Variants in AGAP1 observed in about 807,000 individuals in gnomAD.
AGAP1 encodes the protein ArfGAP with GTPase domain, ankyrin repeat and PH domain 1.
A neutral mutation model predicts 105.3 loss-of-function variants in AGAP1; 29 were observed. That is an observed-to-expected ratio of 0.28 (90% CI 0.21 to 0.38). The LOEUF is 0.38. AGAP1 is among the 10% of genes least tolerant of loss of function. The pLI is 1.00. For synonymous variants in AGAP1, 509 were observed against 485.9 expected, an observed-to-expected ratio of 1.05 and a Z score of -0.63; for missense variants, 998 against 1,165.1, an observed-to-expected ratio of 0.86 and a Z score of 2.09.
chr2:235,684,575 C>A (rs1447920700), intron 1 of AGAP1, among the ~76,000 whole-genome samples: 1 of 152,184 alleles, frequency 6.6e-6, no homozygotes, highest in African/African-American at 2.4e-5. Context: ...ACTCATTCAT[C>A]AGGTGCAGAG....
At position 236,068,869 on chromosome 2, in the gene AGAP1, C is replaced by G. The variant is rs372815379; in HGVS notation, c.2114+19588C>G. ...GTAGGCTAGGCATGGTGGTTCACGC[C>G]TGTAATCCTAGCACTTTGGGAGGCC... On this transcript the variant is annotated intron_variant, in intron 16 of 17. Transcript: ENST00000304032. Among the ~76,000 whole-genome samples, 3 of 149,382 alleles carry G rather than the reference C, an allele frequency of 2.0e-5. No individual in the cohort carries two copies. In the South Asian group the frequency reaches 6.3e-4, roughly 31 times the overall value.
At chr2:235,913,204 A>G (rs1183939772) in intron 11 of AGAP1, among the ~76,000 whole-genome samples, 3 of 152,168 alleles carry the variant, frequency 2.0e-5, no homozygotes, top group Non-Finnish European at 4.4e-5. Flanking sequence ...CAGTTTACAT[A>G]TATATACTTC....
At chr2:236,091,325 C>G (rs2059054595) in intron 16 of AGAP1, among the ~76,000 whole-genome samples, 1 of 152,192 alleles carries the variant, frequency 6.6e-6, no homozygotes, top group Admixed American at 6.5e-5. Context: ...CTCAACTGTT[C>G]CTTTTTCATA....
At chr2:235,500,587 T>C (rs532003513) in intron 1 of AGAP1, among the ~76,000 whole-genome samples, 1 of 152,284 alleles carries the variant, frequency 6.6e-6, no homozygotes, top group South Asian at 2.1e-4. Context: ...AGGTTTCAGG[T>C]GAAGACACCT....
chr2:236,092,479 G>A lies in AGAP1; in HGVS notation c.2115-27713G>A, dbSNP rs931239129. On this transcript the variant is annotated intron_variant, in intron 16 of 17. Coordinates refer to ENST00000304032, the MANE Select transcript of AGAP1 (RefSeq NM_001037131.3). The surrounding 1 kb of genome is among the most constrained non-coding windows in gnomAD (Gnocchi z 4.7). ...GCAGTCTCGTCTCACTGCAACCTCCGCCTCCCGGGTTCAAGCAATTCTCCT... is the reference window on the plus strand; with the variant it reads ...GCAGTCTCGTCTCACTGCAACCTCCACCTCCCGGGTTCAAGCAATTCTCCT... Among the ~76,000 whole-genome samples, 12 of 152,062 alleles carry A rather than the reference G, an allele frequency of 7.9e-5. No homozygotes were observed. The highest frequency in any genetic ancestry group is 4.4e-5 in the Non-Finnish European group (3 of 67,996).
chr2:235,755,059 G>A (rs530329687), intron 6 of AGAP1, among the ~76,000 whole-genome samples: 4 of 152,256 alleles, frequency 2.6e-5, no homozygotes, highest in African/African-American at 7.2e-5. Context: ...GTACCCAACC[G>A]TTTGGATTCT....
intron 1 of AGAP1, among the ~76,000 whole-genome samples, chr2:235,530,308 A>G (rs1471988856): frequency 1.3e-5 from 2 of 152,130 alleles, no homozygotes; most frequent in Admixed American, 1.3e-4. Flanking sequence ...ATCCCGTTAG[A>G]CTGTGCTTCC....
rs1010250564 is a variant in AGAP1 at position 235,633,628 on chromosome 2, G to A, written c.164-75551G>A. Reference sequence around the variant, plus strand: ...AGAGCTTGAGTGAATTGTCATAGATGGAGTGGGGAGACCTACAAGGCCTGT... The same window carrying A: ...AGAGCTTGAGTGAATTGTCATAGATAGAGTGGGGAGACCTACAAGGCCTGT... On this transcript the variant is annotated intron_variant, in intron 1 of 17. Coordinates refer to ENST00000304032, the MANE Select transcript of AGAP1 (RefSeq NM_001037131.3). This position sits in a 1 kb window ranked among gnomAD's most constrained non-coding sequence, Gnocchi z 4.8. Among the ~76,000 whole-genome samples, 1 of 152,074 alleles carries A rather than the reference G, an allele frequency of 6.6e-6. No individual in the cohort carries two copies. Among genetic ancestry groups the A allele is most frequent in the Middle Eastern group, 3.2e-3 (1 of 316 alleles).
Position 236,126,737 on chromosome 2 carries a change from G to GA in AGAP1, c.*2617dup, listed in dbSNP as rs2060009616. The stretch of plus-strand genomic sequence containing the variant: ...TTCTAGGGCCCAAGTTTTGGTAGCA[G>GA]AAGGAAAGGCAGTTTTTGAGGGTCT... On this transcript the variant is annotated 3_prime_UTR_variant, in exon 18 of 18. Coordinates refer to ENST00000304032, the MANE Select transcript of AGAP1 (RefSeq NM_001037131.3). 1 of 152,142 alleles carries GA rather than the reference G, an allele frequency of 6.6e-6. No individual in the cohort carries two copies. Among genetic ancestry groups the GA allele is most frequent in the South Asian group, 2.1e-4 (1 of 4,814 alleles). 9.4% of individuals were successfully genotyped at this position (152,142 alleles called of 1,614,324 possible). A position where few individuals can be genotyped will look rare whatever the true frequency, so the allele number is the denominator to read the frequency against.
At position 235,622,051 on chromosome 2, in the gene AGAP1, A is replaced by C. The variant is rs1946501388; in HGVS notation, c.164-87128A>C. Among the ~76,000 whole-genome samples, 1 of 152,218 alleles carries C rather than the reference A, an allele frequency of 6.6e-6. No homozygotes were observed. The highest frequency in any genetic ancestry group is 2.4e-5 in the African/African-American group (1 of 41,456). ...GCTTGCTACTGTCCAACCTAAGCTC[A>C]TATTCAACACTTTAGAATGCCTTAA... On this transcript the variant is annotated intron_variant, in intron 1 of 17. Coordinates refer to ENST00000304032, the MANE Select transcript of AGAP1 (RefSeq NM_001037131.3). This position sits in a 1 kb window ranked among gnomAD's most constrained non-coding sequence, Gnocchi z 5.0.
At chr2:235,573,119 T>A (rs1368667752) in intron 1 of AGAP1, among the ~76,000 whole-genome samples, 3 of 136,426 alleles carry the variant, frequency 2.2e-5, no homozygotes, top group Admixed American at 6.9e-5. Context: ...TTTTTTTTTT[T>A]AAAGATAGAA....
chr2:235,768,086 CAG>C (rs1378622530), intron 6 of AGAP1, among the ~76,000 whole-genome samples: 1 of 152,188 alleles, frequency 6.6e-6, no homozygotes, highest in Non-Finnish European at 1.5e-5. Flanking sequence ...CATCCCTGGC[CAG>C]AGTCTTCTAG....
At chr2:235,742,605 A>T (rs1459490455) in intron 4 of AGAP1, among the ~76,000 whole-genome samples, 2 of 152,184 alleles carry the variant, frequency 1.3e-5, no homozygotes, top group African/African-American at 4.8e-5. Context: ...CCTATCAGTC[A>T]GATGCTGATA....
At position 235,769,202 on chromosome 2, in the gene AGAP1, C is replaced by T. The variant is rs532237539; in HGVS notation, c.673+18714C>T. 6.6e-5 allele frequency among the ~76,000 whole-genome samples: 10 copies of T among 152,196 alleles called. No individual in the cohort carries two copies. Among genetic ancestry groups the T allele is most frequent in the African/African-American group, 9.6e-5 (4 of 41,548 alleles). ...TGTTGCTGCTACCTTGGGGCCCAGG[C>T]GTGTCTTTTGTCCCCCAGTGCCTGG... On this transcript the variant is annotated intron_variant, in intron 6 of 17. Coordinates refer to ENST00000304032, the MANE Select transcript of AGAP1 (RefSeq NM_001037131.3). This position sits in a 1 kb window ranked among gnomAD's most constrained non-coding sequence, Gnocchi z 4.4.
Position 235,882,402 on chromosome 2 carries a change from G to T in AGAP1, c.1051-943G>T. 6.3e-7 allele frequency: 1 copy of T among 1,579,550 alleles called. No homozygotes were observed. ...CCGCTTCTGCCCAGTGGTCTCTTTG[G>T]TCGGCAGGGTGTTCTTCTCCTGCGT... On this transcript the variant is annotated intron_variant, in intron 9 of 17. Coordinates refer to ENST00000304032, the MANE Select transcript of AGAP1 (RefSeq NM_001037131.3). This position sits in a 1 kb window ranked among gnomAD's most constrained non-coding sequence, Gnocchi z 4.6.
At chr2:235,785,999 G>A (rs566940300) in intron 6 of AGAP1, among the ~76,000 whole-genome samples, 1 of 152,178 alleles carries the variant, frequency 6.6e-6, no homozygotes, top group Non-Finnish European at 1.5e-5. Context: ...AAGAATTGCC[G>A]GGTGAGCCTT....
intron 1 of AGAP1, among the ~76,000 whole-genome samples, chr2:235,543,579 T>TCC (rs1345454300): frequency 6.6e-6 from 1 of 152,104 alleles, no homozygotes. Flanking sequence ...CGGGGGTGTT[T>TCC]CCCCGGCCTC....
chr2:235,991,695 G>A (rs1416415422), intron 13 of AGAP1, among the ~76,000 whole-genome samples: 1 of 152,210 alleles, frequency 6.6e-6, no homozygotes, highest in Non-Finnish European at 1.5e-5. Context: ...TTAAAGTGAA[G>A]GCAATCACAT....
At position 235,874,318 on chromosome 2, in the gene AGAP1, G is replaced by T. The variant is rs935731422; in HGVS notation, c.1051-9027G>T. 6.6e-6 allele frequency among the ~76,000 whole-genome samples: 1 copy of T among 152,188 alleles called. No individual in the cohort carries two copies. The highest frequency in any genetic ancestry group is 1.5e-5 in the Non-Finnish European group (1 of 68,034). On this transcript the variant is annotated intron_variant, in intron 9 of 17. Coordinates refer to ENST00000304032, the MANE Select transcript of AGAP1 (RefSeq NM_001037131.3). The surrounding 1 kb of genome is among the most constrained non-coding windows in gnomAD (Gnocchi z 4.5). ...CCGGCCTCGGCCTCCCAAAGTGCTG[G>T]GGTTACAGATGTAAGCCACTGTGCC... is the stretch of plus-strand genomic sequence containing the variant.
Sources: gnomAD v4.1 joint callset for allele counts (sites outside exome capture counted in the v4.1 genomes callset) on GRCh38, gnomAD v4.1.1 for gene constraint, Gnocchi (gnomAD v3.1) non-coding constraint, MANE v1.5 for transcripts, NCBI Gene and HGNC (gene_info 2026-07-23, HGNC 2026-07-21) for gene names.